The following OPRM1 variants were observed in gnomAD, a reference collection of about 807,000 sequenced individuals.
OPRM1 encodes opioid receptor mu 1.
In OPRM1, 27 loss-of-function variants were observed where a neutral mutation model predicts 31.8. The observed-to-expected ratio is 0.85, with a 90% confidence interval of 0.63 to 1.17. The LOEUF is 1.17. OPRM1 is among the 50% of genes most tolerant of loss of function. OPRM1 has a pLI of 0.00. For synonymous variants in OPRM1, 196 were observed against 189.9 expected (o/e 1.03, Z -0.26); for missense variants, 536 against 511.1 (o/e 1.05, Z -0.47).
intron 1 of OPRM1, among the ~76,000 whole-genome samples, chr6:154,078,650 C>A (rs1583404970): frequency 1.3e-5 from 2 of 152,180 alleles, no homozygotes; most frequent in African/African-American, 4.8e-5. Flanking sequence ...GAGGGAGGAC[C>A]ACTTGAGCAC....
At chr6:154,221,199 A>G in intron 3 of OPRM1, 1 of 1,206,606 alleles carries the variant, frequency 8.3e-7, no homozygotes, top group Non-Finnish European at 1.2e-6. Context: ...TTCCAGTACC[A>G]GGCTAAAGTT....
At chr6:154,083,978 A>ACTGATATTC (rs892757242) in intron 1 of OPRM1, among the ~76,000 whole-genome samples, 1 of 149,548 alleles carries the variant, frequency 6.7e-6, no homozygotes, top group Admixed American at 6.7e-5. Flanking sequence ...AAGGAAGAAG[A>ACTGATATTC]CTGATATTCA....
chr6:154,182,072 A>T (rs1462972982), intron 3 of OPRM1, among the ~76,000 whole-genome samples: 4 of 152,172 alleles, frequency 2.6e-5, no homozygotes, highest in Admixed American at 1.3e-4. Context: ...ATTTTTAAAA[A>T]AGATCACAGG....
At chr6:154,111,870 A>G (rs1344789343) in intron 3 of OPRM1, among the ~76,000 whole-genome samples, 1 of 151,992 alleles carries the variant, frequency 6.6e-6, no homozygotes, top group East Asian at 1.9e-4. Flanking sequence ...AGTTCATGCC[A>G]TTCTCCTGCC....
intron 3 of OPRM1, among the ~76,000 whole-genome samples, chr6:154,240,431 T>C (rs1261339623): frequency 1.3e-5 from 2 of 152,166 alleles, no homozygotes; most frequent in African/African-American, 4.8e-5. Flanking sequence ...TTCCAAAATG[T>C]ATGCTAATCT....
Position 154,128,390 on chromosome 6 carries a change from G to A in OPRM1, c.*9669G>A, listed in dbSNP as rs680796. Among the ~76,000 whole-genome samples the A allele has an allele frequency of 0.67, 101,481 of 152,034 alleles. 34,188 individuals are homozygous for A. The highest frequency in any genetic ancestry group is 0.9 in the East Asian group (4,674 of 5,188). On this transcript the variant is annotated 3_prime_UTR_variant, in exon 4 of 4. Coordinates refer to ENST00000330432, the MANE Select transcript of OPRM1 (RefSeq NM_000914.5). The stretch of plus-strand genomic sequence containing the variant: ...GCAAATCTATGCACCAAATTATTTA[G>A]TACAATTCCTAATAACAGCTGAAGG...
intron 3 of OPRM1, among the ~76,000 whole-genome samples, chr6:154,118,162 C>A (rs922514005): frequency 6.6e-6 from 1 of 152,004 alleles, no homozygotes; most frequent in African/African-American, 2.4e-5. Context: ...ACACATATGC[C>A]AGCTTTACAG....
At chr6:154,116,449 G>A (rs769723183) in intron 3 of OPRM1, among the ~76,000 whole-genome samples, 5 of 152,024 alleles carry the variant, frequency 3.3e-5, no homozygotes, top group Admixed American at 6.5e-5. Flanking sequence ...GCTGGGCGTG[G>A]TGGCACATGC....
At chr6:154,136,573 G>A (rs1369591548), downstream of OPRM1, among the ~76,000 whole-genome samples, 1 of 152,122 alleles carries the variant, frequency 6.6e-6, no homozygotes, top group Non-Finnish European at 1.5e-5. Flanking sequence ...GGGATCTCAT[G>A]TTCCACCTAA....
In OPRM1 at chr6:154,109,678, T is replaced by C. The variant is rs74720447; in HGVS notation, c.1165-9005T>C. Among the ~76,000 whole-genome samples the C allele has an allele frequency of 5.1e-4, 78 of 152,222 alleles. 1 individual carries two copies. In the East Asian group the frequency reaches 0.012, roughly 23 times the overall value. On this transcript the variant is annotated intron_variant, in intron 3 of 3. Transcript: ENST00000330432. ...GAATGAGAAGCTCTATAGACAAGTG[T>C]TAGGAAATGTGGCCTACCTTATTTT...
intron 3 of OPRM1, among the ~76,000 whole-genome samples, chr6:154,180,492 T>C (rs902929418): frequency 1.2e-4 from 18 of 151,604 alleles, no homozygotes; most frequent in Non-Finnish European, 1.5e-4. Context: ...CAGTTATAAG[T>C]TCACTCCTTT....
At chr6:154,229,462 G>C (rs182705895) in intron 3 of OPRM1, among the ~76,000 whole-genome samples, 1 of 146,042 alleles carries the variant, frequency 6.8e-6, no homozygotes, top group African/African-American at 2.5e-5. Context: ...CCATTCTCCC[G>C]CCTCAGCCTC....
At chr6:154,039,076 G>T, upstream of OPRM1, 1 of 1,436,070 alleles carries the variant, frequency 7.0e-7, no homozygotes. Flanking sequence ...ATTGAGTGAT[G>T]TTAGCCCCCT....
chr6:154,240,588 T>A (rs1317174350), intron 3 of OPRM1, among the ~76,000 whole-genome samples: 1 of 152,000 alleles, frequency 6.6e-6, no homozygotes, highest in African/African-American at 2.4e-5. Flanking sequence ...AAAGAGAAAA[T>A]TTTGACTTTC....
chr6:154,144,607 G>A (rs984016461), intron 3 of OPRM1, among the ~76,000 whole-genome samples: 2 of 151,946 alleles, frequency 1.3e-5, no homozygotes, highest in Non-Finnish European at 2.9e-5. Context: ...AATTAGCTGG[G>A]TGTGGTGGTG....
At chr6:154,055,421 A>G (rs558346445) in intron 1 of OPRM1, among the ~76,000 whole-genome samples, 1 of 151,842 alleles carries the variant, frequency 6.6e-6, no homozygotes, top group Non-Finnish European at 1.5e-5. Context: ...AAAAAAAAAT[A>G]AAAGCTAGAG....
At position 154,140,327 on chromosome 6, in the gene OPRM1, AT is replaced by A. The variant is rs1319655147; in HGVS notation, c.1164+48859del. Among the ~76,000 whole-genome samples the A allele has an allele frequency of 2.5e-5, 3 of 121,282 alleles. No homozygotes were observed. The East Asian group carries it at 7.7e-4, about 31-fold the overall frequency. The allele number at this position is 121,282 out of a possible 152,430, so 79.6% of individuals were successfully genotyped here. ...AATAGAAAGTTTAGCCGTTTATGTT[AT>A]TTTATTTTTTTTTTTTTTTTGAGAA... is the stretch of plus-strand genomic sequence containing the variant. On this transcript the variant is annotated intron_variant, in intron 3 of 3. Coordinates refer to the OPRM1 transcript ENST00000337049.
At chr6:154,049,087 G>A (rs1009622573) in intron 1 of OPRM1, among the ~76,000 whole-genome samples, 10 of 152,170 alleles carry the variant, frequency 6.6e-5, no homozygotes, top group South Asian at 6.2e-4. Flanking sequence ...GTTTAAAGAC[G>A]CTTTATTTAA....
chr6:154,199,660 T>G (rs1269832439), intron 3 of OPRM1: 1 of 1,577,972 alleles, frequency 6.3e-7, no homozygotes, highest in East Asian at 2.2e-5. Context: ...AATAATTTAT[T>G]GGTTTACCTT....
Sources: gnomAD v4.1 joint callset for allele counts (sites outside exome capture counted in the v4.1 genomes callset) on GRCh38, gnomAD v4.1.1 for gene constraint, MANE v1.5 for transcripts, NCBI Gene and HGNC (gene_info 2026-07-23, HGNC 2026-07-21) for gene names.